TLL1: variants seen among roughly 807,000 people sequenced by gnomAD.
TLL1 encodes tolloid-like protein 1.
Under a neutral mutation model 128.2 loss-of-function variants are expected in TLL1, and 49 were observed. The observed-to-expected ratio is 0.38, with a 90% CI of 0.30 to 0.48. The LOEUF is 0.48. Among genes scored for constraint, TLL1 ranks in the 20% least tolerant of loss-of-function variants. The pLI is 0.96. For synonymous variants in TLL1, 454 were observed against 418.8 expected, an observed-to-expected ratio of 1.08 and a Z score of -1.03; for missense variants, 1,123 against 1,242.0, an observed-to-expected ratio of 0.90 and a Z score of 1.44.
At position 165,974,383 on chromosome 4, in the gene TLL1, G is replaced by A. The variant is rs537083907; in HGVS notation, c.170-14998G>A. Among the ~76,000 whole-genome samples, 87 of 128,768 alleles carry A rather than the reference G, an allele frequency of 6.8e-4. 1 individual carries two copies. The highest frequency in any genetic ancestry group is 9.6e-4 in the Non-Finnish European group (64 of 66,878). The allele number at this position is 128,768 out of a possible 152,430, so 84.5% of individuals were successfully genotyped here. On this transcript the variant is annotated intron_variant, in intron 1 of 20. Transcript: ENST00000061240. ...CCTCGATCTCCTGACCTCGTGATCCGCCCGCCTCGGCCTCCCAAAGTGCTG... is the reference window on the plus strand; with the variant it reads ...CCTCGATCTCCTGACCTCGTGATCCACCCGCCTCGGCCTCCCAAAGTGCTG...
At chr4:165,874,438 G>C (rs1243772156) in intron 1 of TLL1, among the ~76,000 whole-genome samples, 5 of 152,154 alleles carry the variant, frequency 3.3e-5, no homozygotes, top group Admixed American at 1.3e-4. Flanking sequence ...CATATGGAAG[G>C]GACACCGTCT....
intron 14 of TLL1, among the ~76,000 whole-genome samples, chr4:166,059,815 A>G (rs3756016): frequency 6.6e-6 from 1 of 151,696 alleles, no homozygotes; most frequent in South Asian, 2.1e-4. Context: ...ATTCTCGGCT[A>G]CTAAGCTACA....
chr4:165,897,977 T>G (rs1301133236), intron 1 of TLL1, among the ~76,000 whole-genome samples: 1 of 152,204 alleles, frequency 6.6e-6, no homozygotes, highest in Admixed American at 6.5e-5. Flanking sequence ...AGATATTTTA[T>G]TCTGTTTGTA....
At chr4:166,086,146 G>A (rs536550880) in intron 18 of TLL1, among the ~76,000 whole-genome samples, 8 of 152,058 alleles carry the variant, frequency 5.3e-5, no homozygotes, top group African/African-American at 1.7e-4. Flanking sequence ...TTGTGTGCAT[G>A]GTGTTCATTC....
chr4:165,902,362 T>C (rs1209692438), intron 1 of TLL1, among the ~76,000 whole-genome samples: 1 of 152,120 alleles, frequency 6.6e-6, no homozygotes, highest in Admixed American at 6.5e-5. Context: ...TGGTGTCTGC[T>C]CAAATGGCTG....
At chr4:165,992,511 G>A (rs914557023) in intron 2 of TLL1, among the ~76,000 whole-genome samples, 1 of 151,984 alleles carries the variant, frequency 6.6e-6, no homozygotes, top group Non-Finnish European at 1.5e-5. Context: ...TGATGTCAAG[G>A]TCACAGTAAA....
At chr4:166,087,799 C>A (rs1003602082) in intron 18 of TLL1, among the ~76,000 whole-genome samples, 4 of 152,104 alleles carry the variant, frequency 2.6e-5, no homozygotes, top group Non-Finnish European at 4.4e-5. Flanking sequence ...ATTAGGCTTG[C>A]TTGGGTGTTC....
intron 16 of TLL1, among the ~76,000 whole-genome samples, chr4:166,066,412 C>A (rs1277683306): frequency 6.6e-6 from 1 of 151,700 alleles, no homozygotes; most frequent in South Asian, 2.1e-4. Flanking sequence ...TAAAACTCCC[C>A]AGATTTTATG....
chr4:165,904,328 C>G (rs1732149361), intron 1 of TLL1, among the ~76,000 whole-genome samples: 1 of 152,110 alleles, frequency 6.6e-6, no homozygotes, highest in Non-Finnish European at 1.5e-5. Flanking sequence ...GTGTTCAGGT[C>G]TCTTGGTTTC....
At chr4:166,087,220 C>A (rs1047097478) in intron 18 of TLL1, among the ~76,000 whole-genome samples, 4 of 152,122 alleles carry the variant, frequency 2.6e-5, no homozygotes, top group Non-Finnish European at 5.9e-5. Context: ...GTTGATTTAT[C>A]ATATCCTTGA....
At chr4:166,048,948 C>T (rs1739589126) in intron 12 of TLL1, among the ~76,000 whole-genome samples, 3 of 152,134 alleles carry the variant, frequency 2.0e-5, no homozygotes, top group Non-Finnish European at 4.4e-5. Context: ...TGGTAGATTG[C>T]TTGTCTAAAA....
At chr4:165,944,317 TA>T (rs1422816541) in intron 1 of TLL1, among the ~76,000 whole-genome samples, 1 of 152,158 alleles carries the variant, frequency 6.6e-6, no homozygotes, top group East Asian at 1.9e-4. Flanking sequence ...GCACATGATT[TA>T]TACTCAAACA....
intron 7 of TLL1, among the ~76,000 whole-genome samples, chr4:166,011,774 T>C (rs971657089): frequency 2.0e-5 from 3 of 151,516 alleles, no homozygotes; most frequent in Non-Finnish European, 3.0e-5. Context: ...GTGGGATTTT[T>C]ATATATAGTT....
chr4:165,887,082 A>ATT (rs1451608477), intron 1 of TLL1, among the ~76,000 whole-genome samples: 2 of 152,222 alleles, frequency 1.3e-5, no homozygotes, highest in African/African-American at 4.8e-5. Context: ...GCAATAAATG[A>ATT]TTCTGAAAAA....
intron 19 of TLL1, among the ~76,000 whole-genome samples, chr4:166,093,280 G>A (rs572508557): frequency 3.9e-4 from 60 of 152,236 alleles, no homozygotes; most frequent in East Asian, 1.4e-3. Context: ...AGAGGAATGC[G>A]CTAGGAGAGC....
Position 166,077,988 on chromosome 4 carries a change from C to A in TLL1, c.2400C>A (p.Cys800Ter), listed in dbSNP as rs530187422. The A allele has an allele frequency of 6.2e-7, 1 of 1,613,726 alleles. No individual in the cohort carries two copies. Among genetic ancestry groups the A allele is most frequent in the East Asian group, 2.2e-5 (1 of 44,786 alleles). The change falls in exon 18 of 21, where the codon TGC (cysteine) becomes TGA (stop). Residue 800 changes from cysteine (C) to a stop codon, truncating the protein, a stop_gained. Coordinates refer to ENST00000061240, the MANE Select transcript of TLL1 (RefSeq NM_012464.5). LOFTEE classifies it high-confidence loss of function. ...WPDKYPSRKECTWEISATPGH... is the reference protein window; with the variant it reads ...WPDKYPSRKE ...ACAAGTACCCAAGCAGGAAAGAATG[C>A]ACTTGGGAAATCAGCGCCACTCCTG...
intron 12 of TLL1, 59 bp downstream of exon 12, chr4:166,043,478 A>C: frequency 6.2e-7 from 1 of 1,606,496 alleles, no homozygotes; most frequent in Non-Finnish European, 8.5e-7. Context: ...AATGGCATTT[A>C]AGAGAATCCT....
intron 14 of TLL1, among the ~76,000 whole-genome samples, chr4:166,059,296 G>A (rs1258849179): frequency 2.6e-5 from 4 of 151,966 alleles, no homozygotes; most frequent in Non-Finnish European, 4.4e-5. Context: ...AATTAATTAT[G>A]AACTGTGTAC....
intron 1 of TLL1, among the ~76,000 whole-genome samples, chr4:165,946,393 T>A (rs1347211592): frequency 6.6e-6 from 1 of 151,872 alleles, no homozygotes; most frequent in Non-Finnish European, 1.5e-5. Context: ...TTGAGTGCAG[T>A]GGCATGATCA....
Sources: allele counts gnomAD v4.1 joint callset (sites outside exome capture counted in the v4.1 genomes callset), GRCh38; gene constraint gnomAD v4.1.1; transcripts MANE v1.5; gene names NCBI Gene and HGNC (gene_info 2026-07-23, HGNC 2026-07-21).